The following CAB39 variants were observed in gnomAD, a reference collection of about 807,000 sequenced individuals.
The protein encoded by CAB39 is calcium binding protein 39.
A neutral mutation model predicts 40.0 loss-of-function variants in CAB39; 8 were observed. The observed-to-expected ratio is 0.20, with a 90% confidence interval of 0.12 to 0.36. The LOEUF (loss-of-function observed/expected upper bound fraction) is 0.36. CAB39 is among the 10% of genes least tolerant of loss of function. The pLI is 1.00. For synonymous variants in CAB39, 156 were observed against 141.6 expected (o/e 1.10, Z -0.72); for missense variants, 270 against 401.1 (o/e 0.67, Z 2.79).
chr2:230,800,226 T>G (rs1696064714), intron 5 of CAB39, among the ~76,000 whole-genome samples: 2 of 151,584 alleles, frequency 1.3e-5, no homozygotes. Flanking sequence ...CACCTCAGAG[T>G]GAATGAATGC....
At chr2:230,721,341 G>T (rs189366266) in intron 1 of CAB39, among the ~76,000 whole-genome samples, 78 of 152,338 alleles carry the variant, frequency 5.1e-4, no homozygotes, top group African/African-American at 1.9e-3. Context: ...TGAGGCAGGA[G>T]AATCGCTTGA....
chr2:230,774,888 A>G (rs1695559072), intron 2 of CAB39, among the ~76,000 whole-genome samples: 1 of 152,174 alleles, frequency 6.6e-6, no homozygotes, highest in African/African-American at 2.4e-5. Context: ...GGGAGGTAGA[A>G]AGCATTTATC....
At chr2:230,798,958 A>T in intron 5 of CAB39, 61 bp downstream of exon 5, 2 of 1,270,594 alleles carry the variant, frequency 1.6e-6, no homozygotes, top group South Asian at 1.6e-5. Context: ...GTTTTTCTAA[A>T]CCTTCATTGC....
At chr2:230,769,562 G>A (rs1458504480) in intron 2 of CAB39, among the ~76,000 whole-genome samples, 2 of 152,178 alleles carry the variant, frequency 1.3e-5, no homozygotes, top group South Asian at 2.1e-4. Flanking sequence ...TACAATGGAT[G>A]TTCCAAGACT....
chr2:230,754,918 G>C (rs959279145), intron 1 of CAB39, among the ~76,000 whole-genome samples: 4 of 152,196 alleles, frequency 2.6e-5, no homozygotes, highest in Admixed American at 2.6e-4. Flanking sequence ...GCTCCCACAT[G>C]TCAGTGAGAA....
At chr2:230,799,694 A>C (rs1696051637) in intron 5 of CAB39, among the ~76,000 whole-genome samples, 1 of 152,210 alleles carries the variant, frequency 6.6e-6, no homozygotes. Context: ...AACTGTTTTA[A>C]TATAAACCAA....
intron 1 of CAB39, among the ~76,000 whole-genome samples, chr2:230,741,014 G>C (rs1007142491): frequency 1.3e-5 from 2 of 152,164 alleles, no homozygotes; most frequent in Non-Finnish European, 2.9e-5. Context: ...TGACACATGG[G>C]GAGTATGGGA....
chr2:230,760,721 C>T (rs79533470), intron 2 of CAB39, among the ~76,000 whole-genome samples: 280 of 152,296 alleles, frequency 1.8e-3, no homozygotes, highest in African/African-American at 6.6e-3. Flanking sequence ...TCCATCTACC[C>T]AGTCACCACA....
chr2:230,794,579 C>G (rs1163032793), intron 4 of CAB39, among the ~76,000 whole-genome samples: 1 of 152,164 alleles, frequency 6.6e-6, no homozygotes, highest in Non-Finnish European at 1.5e-5. Context: ...TCAAGAAAGA[C>G]TTTTGAGATA....
At chr2:230,780,163 CAGTGCACAGAGAG>C (rs1010618940) in intron 2 of CAB39, among the ~76,000 whole-genome samples, 12 of 152,104 alleles carry the variant, frequency 7.9e-5, no homozygotes, top group Admixed American at 5.9e-4. Context: ...GCCCTTTCTC[CAGTGCACAGAGAG>C]AGCCATCAGC....
chr2:230,793,200 G>T lies in CAB39; in HGVS notation c.280-13G>T, dbSNP rs775149036. Reference sequence around the variant, plus strand: ...TGGTCAGGAAAATGTGTTAATGATTGTATTCCTAATAGGGCAAAAAAGACG... The same window carrying T: ...TGGTCAGGAAAATGTGTTAATGATTTTATTCCTAATAGGGCAAAAAAGACG... On this transcript the variant is annotated splice_polypyrimidine_tract_variant and intron_variant, in intron 3 of 8. Coordinates refer to ENST00000258418, the MANE Select transcript of CAB39 (RefSeq NM_016289.4). The T allele has an allele frequency of 6.8e-7, 1 of 1,479,872 alleles. No homozygotes were observed. Among genetic ancestry groups the T allele is most frequent in the South Asian group, 1.2e-5 (1 of 86,766 alleles). The allele number at this position is 1,479,872 out of a possible 1,614,324, so 91.7% of individuals were successfully genotyped here.
At chr2:230,762,349 A>G (rs952921146) in intron 2 of CAB39, among the ~76,000 whole-genome samples, 1 of 152,216 alleles carries the variant, frequency 6.6e-6, no homozygotes, top group Non-Finnish European at 1.5e-5. Context: ...TGACTGAACC[A>G]CATTAACATC....
At position 230,725,493 on chromosome 2, in the gene CAB39, T is replaced by C. The variant is rs572435113; in HGVS notation, c.-44+12263T>C. On this transcript the variant is annotated intron_variant, in intron 1 of 8. Transcript: ENST00000258418. ...TGCGGATACCTCCCGTTTAATCTTT[T>C]AACAGCCCTTTTTAATATCAAATTT... The C allele has an allele frequency of 1.4e-3, 1,526 of 1,109,120 alleles. 2 individuals are homozygous for C. Among genetic ancestry groups the C allele is most frequent in the Non-Finnish European group, 1.9e-3 (1,398 of 744,248 alleles). 68.7% of individuals were successfully genotyped at this position (1,109,120 alleles called of 1,614,324 possible). A position where few individuals can be genotyped will look rare whatever the true frequency, so the allele number is the denominator to read the frequency against.
intron 2 of CAB39, among the ~76,000 whole-genome samples, chr2:230,767,685 A>G (rs537890321): frequency 1.3e-5 from 2 of 152,188 alleles, no homozygotes; most frequent in South Asian, 2.1e-4. Flanking sequence ...TTTACTGTCT[A>G]TTCCTTTACA....
Position 230,818,511 on chromosome 2 carries a change from C to T in CAB39, c.838-5C>T, listed in dbSNP as rs564045808. The T allele has an allele frequency of 4.8e-5, 77 of 1,612,596 alleles. 1 individual carries two copies. The South Asian group carries it at 5.3e-4, about 11-fold the overall frequency. On this transcript the variant is annotated splice_polypyrimidine_tract_variant and splice_region_variant and intron_variant, in intron 8 of 8. Coordinates refer to ENST00000258418, the MANE Select transcript of CAB39 (RefSeq NM_016289.4). ...TGTGCCTCATGTGCGTTTCTCTCCA[C>T]GCAGGTGTTTGTAGCCAATCCTAAC... is the stretch of plus-strand genomic sequence containing the variant.
At position 230,749,165 on chromosome 2, in the gene CAB39, ATACTT is replaced by A. The variant is rs1293346883; in HGVS notation, c.-43-10791_-43-10787del. Among the ~76,000 whole-genome samples the A allele has an allele frequency of 4.6e-5, 7 of 151,996 alleles. No homozygotes were observed. In the East Asian group the frequency reaches 5.8e-4, roughly 13 times the overall value. On this transcript the variant is annotated intron_variant, in intron 1 of 8. Coordinates refer to ENST00000258418, the MANE Select transcript of CAB39 (RefSeq NM_016289.4). ...TACATATGTTACTATTAAATATACAATACTTTAATGTGTGCAGATGCTTGATTTCC... is the reference window on the plus strand; with the variant it reads ...TACATATGTTACTATTAAATATACAATAATGTGTGCAGATGCTTGATTTCC...
rs62193634 is a variant in CAB39, at chr2:230,773,310, A to G, written c.114+13195A>G. On this transcript the variant is annotated intron_variant, in intron 2 of 8. Coordinates refer to ENST00000258418, the MANE Select transcript of CAB39 (RefSeq NM_016289.4). Reference sequence around the variant, plus strand: ...CATGGGTGTATGTGTATATATATATATATATGTGTGTGTGTGTGTGTGTGT... The same window carrying G: ...CATGGGTGTATGTGTATATATATATGTATATGTGTGTGTGTGTGTGTGTGT... Among the ~76,000 whole-genome samples the G allele has an allele frequency of 3.3e-3, 282 of 84,478 alleles. 1 individual carries two copies. Among genetic ancestry groups the G allele is most frequent in the African/African-American group, 0.016 (270 of 17,272 alleles). 55.4% of individuals were successfully genotyped at this position (84,478 alleles called of 152,430 possible).
At chr2:230,714,240 T>C (rs1197862675) in intron 1 of CAB39, among the ~76,000 whole-genome samples, 6 of 152,190 alleles carry the variant, frequency 3.9e-5, no homozygotes, top group Non-Finnish European at 8.8e-5. Flanking sequence ...AGCTCATTTC[T>C]CAGTGACTCA....
At chr2:230,718,576 G>C (rs1453563319) in intron 1 of CAB39, among the ~76,000 whole-genome samples, 3 of 152,206 alleles carry the variant, frequency 2.0e-5, no homozygotes, top group Non-Finnish European at 4.4e-5. Flanking sequence ...TGTCTAGCTT[G>C]AATTCCTTGG....
Sources: gnomAD v4.1 joint callset for allele counts (sites outside exome capture counted in the v4.1 genomes callset) on GRCh38, gnomAD v4.1.1 for gene constraint, MANE v1.5 for transcripts, NCBI Gene and HGNC (gene_info 2026-07-23, HGNC 2026-07-21) for gene names.